Variants in ULK4 observed in about 807,000 individuals in gnomAD.
ULK4 encodes unc-51 like kinase 4.
Under a neutral mutation model 160.6 loss-of-function variants are expected in ULK4, and 133 were observed. The ratio of observed to expected loss-of-function variants is 0.83; its 90% CI spans 0.72 to 0.96. The LOEUF is 0.96. Among genes scored for constraint, ULK4 ranks in the 40% least tolerant of loss-of-function variants. The pLI is 0.00. For synonymous variants in ULK4, 534 were observed against 539.8 expected, an observed-to-expected ratio of 0.99 and a Z score of 0.15; for missense variants, 1,580 against 1,499.5, an observed-to-expected ratio of 1.05 and a Z score of -0.89.
intron 35 of ULK4, among the ~76,000 whole-genome samples, chr3:41,323,083 G>A (rs913596511): frequency 4.6e-5 from 7 of 151,920 alleles, no homozygotes; most frequent in South Asian, 2.1e-4. Context: ...GATTACAGGC[G>A]TGCACCACCA....
At chr3:41,440,842 G>A (rs1489401115) in intron 34 of ULK4, among the ~76,000 whole-genome samples, 4 of 152,044 alleles carry the variant, frequency 2.6e-5, no homozygotes, top group African/African-American at 9.6e-5. Context: ...GGTTATTCAG[G>A]TTGTTTTTTT....
At position 41,488,453 on chromosome 3, in the gene ULK4, C is replaced by A. The variant is rs1464544823; in HGVS notation, c.3227-25200G>T. 3.9e-5 allele frequency among the ~76,000 whole-genome samples: 6 copies of A among 152,340 alleles called. No individual in the cohort carries two copies. In the East Asian group the frequency reaches 7.7e-4, roughly 20 times the overall value. ...CTCTACACACACACATAACCCAGATCATCTCTGGGAATCAGTTTACTTTTA... is the reference window on the plus strand; with the variant it reads ...CTCTACACACACACATAACCCAGATAATCTCTGGGAATCAGTTTACTTTTA... On this transcript the variant is annotated intron_variant, in intron 32 of 36. Transcript: ENST00000301831.
intron 19 of ULK4, among the ~76,000 whole-genome samples, chr3:41,802,444 G>A (rs1217336865): frequency 1.3e-5 from 2 of 152,070 alleles, no homozygotes; most frequent in East Asian, 3.9e-4. Flanking sequence ...CAAGAGGCAT[G>A]TGCCACCATG....
chr3:41,745,744 A>T (rs73069396), intron 22 of ULK4, among the ~76,000 whole-genome samples: 46,372 of 151,058 alleles, frequency 0.31, 10,451 homozygotes, highest in African/African-American at 0.63. Context: ...AACTTAAGGG[A>T]AAAAATCCTC....
intron 35 of ULK4, among the ~76,000 whole-genome samples, chr3:41,303,201 A>C (rs1442974796): frequency 1.3e-5 from 2 of 152,158 alleles, no homozygotes; most frequent in African/African-American, 2.4e-5. Flanking sequence ...TTTGGACAAA[A>C]AGGTTTTCCT....
intron 17 of ULK4, among the ~76,000 whole-genome samples, chr3:41,882,929 T>C (rs1227092817): frequency 2.6e-5 from 4 of 152,170 alleles, no homozygotes; most frequent in African/African-American, 9.7e-5. Context: ...GACACATCTC[T>C]GAGAACCAAG....
At position 41,548,311 on chromosome 3, in the gene ULK4, C is replaced by T. The variant is rs1431634565; in HGVS notation, c.3226+17714G>A. On this transcript the variant is annotated intron_variant, in intron 32 of 36. Transcript: ENST00000301831. ...CAGACACACATACACATCAGGAGGC[C>T]TGACACAGGACCCAGCCTACCCCAA... Among the ~76,000 whole-genome samples, 4 of 152,152 alleles carry T rather than the reference C, an allele frequency of 2.6e-5. No homozygotes were observed. The East Asian group carries it at 7.8e-4, about 30-fold the overall frequency.
chr3:41,442,449 T>C (rs2083195392), intron 34 of ULK4, among the ~76,000 whole-genome samples: 1 of 152,146 alleles, frequency 6.6e-6, no homozygotes, highest in South Asian at 2.1e-4. Context: ...GTGTGTCCTA[T>C]ATTATACAGA....
chr3:41,748,623 C>T (rs143784499), intron 22 of ULK4, among the ~76,000 whole-genome samples: 3 of 152,200 alleles, frequency 2.0e-5, no homozygotes, highest in South Asian at 2.1e-4. Context: ...AAAGCAGGTA[C>T]ATTCAGACAA....
intron 32 of ULK4, among the ~76,000 whole-genome samples, chr3:41,564,408 C>T (rs1368932348): frequency 1.3e-5 from 2 of 149,550 alleles, no homozygotes; most frequent in East Asian, 4.0e-4. Flanking sequence ...AACCACTGCT[C>T]TCTTCACAGC....
intron 35 of ULK4, among the ~76,000 whole-genome samples, chr3:41,323,772 T>C (rs1257025442): frequency 1.3e-5 from 2 of 152,094 alleles, no homozygotes. Context: ...GGTGTTTCTA[T>C]TGAGTCAACA....
At chr3:41,500,029 C>G (rs2700443) in intron 32 of ULK4, among the ~76,000 whole-genome samples, 1 of 151,822 alleles carries the variant, frequency 6.6e-6, no homozygotes, top group Admixed American at 6.5e-5. Flanking sequence ...ATTATTTTCT[C>G]TTTTTCATTC....
chr3:41,408,427 CAAAAAAAAAAA>C (rs59444673), intron 34 of ULK4, among the ~76,000 whole-genome samples: 2 of 44,102 alleles, frequency 4.5e-5, no homozygotes, highest in African/African-American at 6.8e-5. Flanking sequence ...GACTCCATCT[CAAAAAAAAAAA>C]AAAAAAAAAA....
chr3:41,319,338 T>C (rs1277617473), intron 35 of ULK4, among the ~76,000 whole-genome samples: 1 of 152,200 alleles, frequency 6.6e-6, no homozygotes, highest in African/African-American at 2.4e-5. Flanking sequence ...TAGGATGCCT[T>C]GTTTCTACTG....
At chr3:41,368,028 T>C (rs1243953903) in intron 35 of ULK4, among the ~76,000 whole-genome samples, 1 of 151,972 alleles carries the variant, frequency 6.6e-6, no homozygotes, top group Non-Finnish European at 1.5e-5. Flanking sequence ...CAACCATCAC[T>C]ATATATTCCA....
At chr3:41,792,312 T>C (rs1012916573) in intron 20 of ULK4, among the ~76,000 whole-genome samples, 1 of 152,138 alleles carries the variant, frequency 6.6e-6, no homozygotes, top group Admixed American at 6.5e-5. Context: ...AAGTAATCTT[T>C]AAAAAATAAA....
At chr3:41,730,656 T>C (rs567346536) in intron 22 of ULK4, among the ~76,000 whole-genome samples, 75 of 152,300 alleles carry the variant, frequency 4.9e-4, no homozygotes, top group Middle Eastern at 6.8e-3. Context: ...GCCCAGAGCC[T>C]GATGGCTTCA....
intron 35 of ULK4, among the ~76,000 whole-genome samples, chr3:41,329,573 A>T (rs1376474598): frequency 6.7e-6 from 1 of 149,590 alleles, no homozygotes; most frequent in Non-Finnish European, 1.5e-5. Flanking sequence ...TTTGAAAGAA[A>T]TCTATAAAAA....
intron 20 of ULK4, among the ~76,000 whole-genome samples, chr3:41,791,080 A>G (rs920543648): frequency 2.0e-5 from 3 of 152,246 alleles, no homozygotes; most frequent in Non-Finnish European, 4.4e-5. Context: ...AAAAACATAA[A>G]AAGACTTTGA....
Sources: allele counts gnomAD v4.1 joint callset (sites outside exome capture counted in the v4.1 genomes callset), GRCh38; gene constraint gnomAD v4.1.1; transcripts MANE v1.5; gene names NCBI Gene and HGNC (gene_info 2026-07-23, HGNC 2026-07-21).